The following WSB1 variants were observed in gnomAD, a reference collection of about 807,000 sequenced individuals.
WSB1 encodes WD repeat and SOCS box-containing protein 1.
Under a neutral mutation model 50.2 loss-of-function variants are expected in WSB1, and 23 were observed. The ratio of observed to expected loss-of-function variants is 0.46; its 90% CI spans 0.33 to 0.65. The LOEUF (loss-of-function observed/expected upper bound fraction) is 0.65, where lower values mean the gene tolerates loss of function less well. Ranked by LOEUF, WSB1 falls within the 30% of genes least tolerant of loss-of-function variation. The pLI is 0.02. For synonymous variants in WSB1, 179 were observed against 172.0 expected, an observed-to-expected ratio of 1.04 and a Z score of -0.32; for missense variants, 492 against 522.3, an observed-to-expected ratio of 0.94 and a Z score of 0.56.
At chr17:27,308,881 C>A (rs2017559173) in intron 5 of WSB1, 1 of 1,165,150 alleles carries the variant, frequency 8.6e-7, no homozygotes, top group Admixed American at 4.2e-5. Flanking sequence ...TTTAAATTAA[C>A]ATTTAACAGA....
rs547364936 is a variant in WSB1 at position 27,304,821 on chromosome 17, A to G, written c.520A>G (p.Arg174Gly). 6.2e-7 allele frequency: 1 copy of G among 1,614,058 alleles called. No individual in the cohort carries two copies. The highest frequency in any genetic ancestry group is 1.7e-5 in the Admixed American group (1 of 60,024). ...CTTGGTAGATCATACTGAAGTGGTC[A>G]GAGATTTAACTTTTGCTCCAGATGG... is the stretch of plus-strand genomic sequence containing the variant. ...LNLVDHTEVV[R>G]DLTFAPDGSL... Residue 174 changes from arginine to glycine, a missense_variant, in exon 4 of 9, where the codon AGA (arginine) becomes GGA (glycine). Transcript: ENST00000262394.
intron 1 of WSB1, among the ~76,000 whole-genome samples, chr17:27,299,291 C>G (rs2017123212): frequency 6.6e-6 from 1 of 152,056 alleles, no homozygotes; most frequent in African/African-American, 2.4e-5. Context: ...GTGGGAGGAT[C>G]ACTTGAGCCC....
At chr17:27,306,939 T>C in intron 5 of WSB1, 57 bp downstream of exon 5, 1 of 1,527,392 alleles carries the variant, frequency 6.5e-7, no homozygotes, top group Non-Finnish European at 9.0e-7. Flanking sequence ...AATGTGTGCA[T>C]AATCATTTTA....
Position 27,294,337 on chromosome 17 carries a change from ACT to A in WSB1, c.-54_-53del, listed in dbSNP as rs1555549086. ...GGCGTCACGCCCCTCAGCGGTCGCC[ACT>A]CTCTTCTCTGTTGTTGGGTCCGCAT... is the stretch of plus-strand genomic sequence containing the variant. On this transcript the variant is annotated 5_prime_UTR_variant, in exon 1 of 9. Coordinates refer to ENST00000262394, the MANE Select transcript of WSB1 (RefSeq NM_015626.10). The A allele has an allele frequency of 4.4e-6, 7 of 1,594,868 alleles. No individual in the cohort carries two copies. The highest frequency in any genetic ancestry group is 6.0e-6 in the Non-Finnish European group (7 of 1,166,980).
At chr17:27,302,804 G>T (rs1006591424) in intron 2 of WSB1, 1 of 152,074 alleles carries the variant, frequency 6.6e-6, no homozygotes, top group Admixed American at 6.6e-5. Flanking sequence ...TTGGATGTTT[G>T]TTGAAAGTTT....
chr17:27,294,280 C>T lies in WSB1; in HGVS notation c.-116C>T. On this transcript the variant is annotated 5_prime_UTR_variant, in exon 1 of 9. Coordinates refer to ENST00000262394, the MANE Select transcript of WSB1 (RefSeq NM_015626.10). ...CCGCAGCGGCCGCCCCCGCCCGTCT[C>T]CTCTGTCCCTGGGCCCGGGAGGGAC... 2 of 1,434,572 alleles carry T rather than the reference C, an allele frequency of 1.4e-6. No individual in the cohort carries two copies. The highest frequency in any genetic ancestry group is 1.9e-6 in the Non-Finnish European group (2 of 1,052,338). 88.9% of individuals were successfully genotyped at this position (1,434,572 alleles called of 1,614,324 possible). A position where few individuals can be genotyped will look rare whatever the true frequency, so the allele number is the denominator to read the frequency against.
intron 5 of WSB1, chr17:27,307,374 T>C (rs2017505315): frequency 1.1e-5 from 3 of 261,306 alleles, no homozygotes. Flanking sequence ...TTACATAGCA[T>C]ACCTATAGAC....
At chr17:27,298,717 A>T (rs2017097059) in intron 1 of WSB1, among the ~76,000 whole-genome samples, 1 of 152,130 alleles carries the variant, frequency 6.6e-6, no homozygotes, top group Non-Finnish European at 1.5e-5. Context: ...AATAATAATT[A>T]GCCAGGCATG....
At chr17:27,309,458 CTT>C (rs1189903019) in intron 6 of WSB1, among the ~76,000 whole-genome samples, 186 bp downstream of exon 6, 4 of 152,158 alleles carry the variant, frequency 2.6e-5, no homozygotes, top group Non-Finnish European at 4.4e-5. Context: ...ATTTGGCTCT[CTT>C]GATACAAGTC....
chr17:27,299,937 A>T (rs963236563), intron 1 of WSB1, among the ~76,000 whole-genome samples: 3 of 150,082 alleles, frequency 2.0e-5, no homozygotes, highest in African/African-American at 7.3e-5. Flanking sequence ...CTTATTATGA[A>T]TATCATAGAA....
chr17:27,302,719 C>G (rs1167103604), intron 2 of WSB1: 1 of 152,322 alleles, frequency 6.6e-6, no homozygotes, highest in Non-Finnish European at 1.5e-5. Context: ...GCCACCGAGC[C>G]TGGCCCTTTG....
chr17:27,310,457 A>G (rs1597770430), intron 7 of WSB1, among the ~76,000 whole-genome samples: 3 of 152,264 alleles, frequency 2.0e-5, no homozygotes, highest in Admixed American at 6.5e-5. Flanking sequence ...TAATGTCTTA[A>G]CAAAGGTTGA....
At chr17:27,296,004 T>C (rs1376967221) in intron 1 of WSB1, among the ~76,000 whole-genome samples, 1 of 152,110 alleles carries the variant, frequency 6.6e-6, no homozygotes, top group Non-Finnish European at 1.5e-5. Flanking sequence ...CGGCTAATTT[T>C]TGTGTTTTTA....
At chr17:27,294,528 G>C (rs772574832) in intron 1 of WSB1, 93 bp downstream of exon 1, 33 of 1,553,472 alleles carry the variant, frequency 2.1e-5, no homozygotes, top group Non-Finnish European at 2.8e-5. Context: ...CCAAGTCTGA[G>C]GGAAGAGCTC....
At chr17:27,309,636 G>A (rs1257136963) in intron 6 of WSB1, among the ~76,000 whole-genome samples, 3 of 151,136 alleles carry the variant, frequency 2.0e-5, no homozygotes, top group African/African-American at 7.3e-5. Flanking sequence ...AGGCTGGAGT[G>A]CAGTGGCGCA....
chr17:27,298,720 C>T (rs897605274), intron 1 of WSB1, among the ~76,000 whole-genome samples: 13 of 152,002 alleles, frequency 8.6e-5, no homozygotes, highest in African/African-American at 2.7e-4. Context: ...AATAATTAGC[C>T]AGGCATGGTG....
rs140082565 is a variant in WSB1 at position 27,299,759 on chromosome 17, G to A, written c.41-2029G>A. 2.6e-3 allele frequency among the ~76,000 whole-genome samples: 400 copies of A among 152,242 alleles called. 2 individuals are homozygous for A. The highest frequency in any genetic ancestry group is 9.4e-3 in the African/African-American group (391 of 41,536). ...TGATTGAAAGGATAGAGATCTCTTAGCCTGGTAAAAAAGATTCATTGATGG... is the reference window on the plus strand; with the variant it reads ...TGATTGAAAGGATAGAGATCTCTTAACCTGGTAAAAAAGATTCATTGATGG... On this transcript the variant is annotated intron_variant, in intron 1 of 8. Transcript: ENST00000262394.
rs539786534 is a variant in WSB1, at chr17:27,294,276, G to C, written c.-120G>C. The C allele has an allele frequency of 7.3e-7, 1 of 1,379,110 alleles. No homozygotes were observed. The highest frequency in any genetic ancestry group is 1.5e-5 in the African/African-American group (1 of 68,654). 85.4% of individuals were successfully genotyped at this position (1,379,110 alleles called of 1,614,324 possible). A position where few individuals can be genotyped will look rare whatever the true frequency, so the allele number is the denominator to read the frequency against. On this transcript the variant is annotated 5_prime_UTR_variant, in exon 1 of 9. Coordinates refer to ENST00000262394, the MANE Select transcript of WSB1 (RefSeq NM_015626.10). ...GAAGCCGCAGCGGCCGCCCCCGCCC[G>C]TCTCCTCTGTCCCTGGGCCCGGGAG...
chr17:27,294,168 A>T lies in WSB1; in HGVS notation c.-228A>T, dbSNP rs2016843736. The T allele has an allele frequency of 5.2e-6, 2 of 386,014 alleles. No homozygotes were observed. Among genetic ancestry groups the T allele is most frequent in the Admixed American group, 4.6e-5 (1 of 21,834 alleles). 23.9% of individuals were successfully genotyped at this position (386,014 alleles called of 1,614,324 possible). On this transcript the variant is annotated 5_prime_UTR_variant, in exon 1 of 9. Transcript: ENST00000262394. ...GGAACTGTCTTCCTCCGCAGGCGCG[A>T]GGCTGGGTACAGGGTCTATTGTCTG...
Sources: allele counts gnomAD v4.1 joint callset (sites outside exome capture counted in the v4.1 genomes callset), GRCh38; gene constraint gnomAD v4.1.1; transcripts MANE v1.5; gene names NCBI Gene and HGNC (gene_info 2026-07-23, HGNC 2026-07-21).